The following TTBK2 variants were observed in gnomAD, a reference collection of about 807,000 sequenced individuals.
The protein encoded by TTBK2 is tau-tubulin kinase 2.
In TTBK2, 28 loss-of-function variants were observed where a neutral mutation model predicts 110.8. The observed-to-expected ratio is 0.25, with a 90% CI of 0.19 to 0.35. TTBK2 has a LOEUF of 0.35. Among genes scored for constraint, TTBK2 ranks in the 10% least tolerant of loss-of-function variants. The pLI, the probability that TTBK2 is intolerant of heterozygous loss-of-function variation, is 1.00. For missense variants in TTBK2, 1,369 were observed against 1,500.3 expected, an observed-to-expected ratio of 0.91 and a Z score of 1.45; for synonymous variants, 532 against 527.3, an observed-to-expected ratio of 1.01 and a Z score of -0.12.
intron 3 of TTBK2, among the ~76,000 whole-genome samples, chr15:42,859,561 A>C (rs1894075810): frequency 6.6e-6 from 1 of 152,140 alleles, no homozygotes; most frequent in African/African-American, 2.4e-5. Context: ...CACACTAAAA[A>C]ACTGAGAACT....
intron 6 of TTBK2, among the ~76,000 whole-genome samples, chr15:42,826,027 T>C (rs1488497265): frequency 6.6e-6 from 1 of 152,060 alleles, no homozygotes; most frequent in Non-Finnish European, 1.5e-5. Flanking sequence ...TATATATATA[T>C]ATAGCAAGAC....
intron 1 of TTBK2, among the ~76,000 whole-genome samples, chr15:42,884,573 G>A (rs993980418): frequency 6.6e-6 from 1 of 152,110 alleles, no homozygotes; most frequent in Non-Finnish European, 1.5e-5. Flanking sequence ...AAAGATAGAC[G>A]GCTGGTTGCC....
chr15:42,819,704 TTTGA>T (rs1322016587), intron 6 of TTBK2, among the ~76,000 whole-genome samples: 6 of 152,170 alleles, frequency 3.9e-5, no homozygotes, highest in Non-Finnish European at 8.8e-5. Context: ...ATATTCTCCA[TTTGA>T]TTGATGGAAC....
intron 9 of TTBK2, among the ~76,000 whole-genome samples, chr15:42,807,271 C>T (rs1441556598): frequency 6.6e-6 from 1 of 152,136 alleles, no homozygotes; most frequent in African/African-American, 2.4e-5. Flanking sequence ...GGTTGAGATA[C>T]ACATTTTAGT....
intron 6 of TTBK2, among the ~76,000 whole-genome samples, chr15:42,822,917 C>T (rs1051828795): frequency 1.3e-5 from 2 of 151,968 alleles, no homozygotes; most frequent in Admixed American, 1.3e-4. Flanking sequence ...GGATGAACTC[C>T]TAGGAGAATA....
Position 42,811,794 on chromosome 15 carries a change from A to G in TTBK2, c.604-14T>C, listed in dbSNP as rs1440573904. ...TCTTCCCATTTCCTTCATAAACAAAACAGAATCCAGTCACATAACATTATT... is the reference window on the plus strand; with the variant it reads ...TCTTCCCATTTCCTTCATAAACAAAGCAGAATCCAGTCACATAACATTATT... On this transcript the variant is annotated splice_polypyrimidine_tract_variant and intron_variant, in intron 7 of 14. Transcript: ENST00000267890. 2 of 1,609,818 alleles carry G rather than the reference A, an allele frequency of 1.2e-6. No homozygotes were observed. Among genetic ancestry groups the G allele is most frequent in the Admixed American group, 3.3e-5 (2 of 59,970 alleles).
At chr15:42,784,443 A>AT (rs1890320743) in intron 10 of TTBK2, among the ~76,000 whole-genome samples, 1 of 151,934 alleles carries the variant, frequency 6.6e-6, no homozygotes, top group Non-Finnish European at 1.5e-5. Context: ...ACACTGGGCT[A>AT]TTTTTTGTAT....
intron 4 of TTBK2, 59 bp from the exon 5 acceptor site, chr15:42,830,137 A>C: frequency 6.3e-7 from 1 of 1,597,510 alleles, no homozygotes; most frequent in East Asian, 2.2e-5. Context: ...ATAAGAGAAG[A>C]CTGGGAAACT....
chr15:42,815,768 C>T (rs927819166), intron 7 of TTBK2, among the ~76,000 whole-genome samples: 9 of 149,062 alleles, frequency 6.0e-5, no homozygotes, highest in Non-Finnish European at 1.2e-4. Context: ...TGATGACTCC[C>T]ACATTTCATT....
At chr15:42,912,014 A>G (rs890324932) in intron 1 of TTBK2, among the ~76,000 whole-genome samples, 1 of 152,230 alleles carries the variant, frequency 6.6e-6, no homozygotes, top group African/African-American at 2.4e-5. Context: ...AGTCTTAAGA[A>G]AGTTTACAAA....
intron 1 of TTBK2, among the ~76,000 whole-genome samples, chr15:42,886,253 C>T (rs1895242612): frequency 6.6e-6 from 1 of 152,300 alleles, no homozygotes; most frequent in South Asian, 2.1e-4. Context: ...CTCTCCCACC[C>T]TATAACCCTT....
intron 7 of TTBK2, among the ~76,000 whole-genome samples, chr15:42,813,277 T>C (rs1891800131): frequency 6.6e-6 from 1 of 152,070 alleles, no homozygotes; most frequent in Admixed American, 6.6e-5. Flanking sequence ...ATCCCAGCAC[T>C]TTGGGAGGCC....
intron 1 of TTBK2, among the ~76,000 whole-genome samples, chr15:42,879,541 T>C (rs1466758282): frequency 6.6e-6 from 1 of 152,018 alleles, no homozygotes; most frequent in Non-Finnish European, 1.5e-5. Context: ...ACATACTGTA[T>C]TCTCTGTCAT....
chr15:42,859,520 TAGG>T (rs1894074165), intron 3 of TTBK2, among the ~76,000 whole-genome samples: 1 of 152,114 alleles, frequency 6.6e-6, no homozygotes, highest in South Asian at 2.1e-4. Context: ...TAGAAGCACT[TAGG>T]AGGTGCTTCA....
In TTBK2 at chr15:42,815,958, A is replaced by AAAATATATAT. The variant is rs71108183; in HGVS notation, c.603+1073_603+1074insATATATATTT. On this transcript the variant is annotated intron_variant, in intron 7 of 14. Transcript: ENST00000267890. The stretch of plus-strand genomic sequence containing the variant: ...TATATATATATATATTTAAAAAAAA[A>AAAATATATAT]ATATATATATATATATATATTTGAG... Among the ~76,000 whole-genome samples, 313 of 91,682 alleles carry AAAATATATAT rather than the reference A, an allele frequency of 3.4e-3. 18 individuals are homozygous for AAAATATATAT. Among genetic ancestry groups the AAAATATATAT allele is most frequent in the African/African-American group, 0.017 (280 of 16,134 alleles). The allele number at this position is 91,682 out of a possible 152,430, so 60.1% of individuals were successfully genotyped here.
chr15:42,763,169 TATATATATATATATATATATATA>T (rs1319338570), intron 13 of TTBK2, among the ~76,000 whole-genome samples: 9 of 14,876 alleles, frequency 6.1e-4, no homozygotes, highest in Non-Finnish European at 8.8e-4. Flanking sequence ...TATATATATA[TATATATATATATATATATATATA>T]TTTTTTTTTT....
At chr15:42,804,197 C>A (rs1870115275) in intron 9 of TTBK2, among the ~76,000 whole-genome samples, 1 of 151,962 alleles carries the variant, frequency 6.6e-6, no homozygotes, top group African/African-American at 2.4e-5. Flanking sequence ...GTGATCCCGG[C>A]ACTTTGGGAG....
Position 42,783,599 on chromosome 15 carries a change from A to G in TTBK2, c.1017T>C (p.Leu339=), listed in dbSNP as rs1200052215. 7.4e-6 allele frequency: 12 copies of G among 1,614,044 alleles called. No individual in the cohort carries two copies. Among genetic ancestry groups the G allele is most frequent in the Non-Finnish European group, 9.3e-6 (11 of 1,180,042 alleles). The change falls in exon 11 of 15, where the codon CTT becomes CTC. Residue 339 remains leucine, a synonymous_variant. Transcript: ENST00000267890. ...GAAATACCTCATCTGTATTTTCTCG[A>G]AGCAAGTCTCCAGGGATGGGAGTAG... ...ANATPIPGDL[L]RENTDEVFPD...
At chr15:42,802,085 G>A (rs757888125) in intron 9 of TTBK2, 21 of 1,459,210 alleles carry the variant, frequency 1.4e-5, no homozygotes, top group African/African-American at 9.7e-5. Flanking sequence ...TCCAGGAACC[G>A]TACCTTGTCT....
Sources: gnomAD v4.1 joint callset for allele counts (sites outside exome capture counted in the v4.1 genomes callset) on GRCh38, gnomAD v4.1.1 for gene constraint, MANE v1.5 for transcripts, NCBI Gene and HGNC (gene_info 2026-07-23, HGNC 2026-07-21) for gene names.